NAGLU: variants seen among roughly 807,000 people sequenced by gnomAD.
NAGLU encodes alpha-N-acetylglucosaminidase.
A neutral mutation model predicts 43.4 loss-of-function variants in NAGLU; 34 were observed. The ratio of observed to expected loss-of-function variants is 0.78; its 90% confidence interval spans 0.60 to 1.04. NAGLU has a LOEUF of 1.04. Among genes scored for constraint, NAGLU ranks in the 50% least tolerant of loss-of-function variants. The pLI is 0.00. For synonymous variants in NAGLU, 425 were observed against 437.6 expected (o/e 0.97, Z 0.36); for missense variants, 910 against 993.7 (o/e 0.92, Z 1.13).
At chr17:42,537,289 C>T in intron 1 of NAGLU, 109 bp from the exon 2 acceptor site, 1 of 1,554,936 alleles carries the variant, frequency 6.4e-7, no homozygotes, top group South Asian at 1.1e-5. Context: ...AGCAGAAGGG[C>T]CGAGTTTGGA....
Position 42,543,677 on chromosome 17 carries a change from C to A in NAGLU, c.1671C>A (p.Arg557=), listed in dbSNP as rs1287450896. The change falls in exon 6 of 6, where the codon CGC becomes CGA. Residue 557 remains arginine (R), a synonymous_variant. Transcript: ENST00000225927. ...CCCTGGCCACCAGCCCCGCCTTCCG[C>A]TACGACCTGCTGGACCTCACTCGGC... ...APSLATSPAF[R]YDLLDLTRQA... 1 of 1,612,978 alleles carries A rather than the reference C, an allele frequency of 6.2e-7. No homozygotes were observed. Among genetic ancestry groups the A allele is most frequent in the African/African-American group, 1.3e-5 (1 of 74,954 alleles).
intron 4 of NAGLU, among the ~76,000 whole-genome samples, chr17:42,540,319 G>C (rs1023305932): frequency 6.6e-6 from 1 of 151,024 alleles, no homozygotes; most frequent in Non-Finnish European, 1.5e-5. Flanking sequence ...GGGTTGATGG[G>C]TGCAGCAAAC....
rs2092906262 is a variant in NAGLU at position 42,536,440 on chromosome 17, G to A, written c.168G>A (p.Leu56=). 2.4e-6 allele frequency: 3 copies of A among 1,257,224 alleles called. No homozygotes were observed. Among genetic ancestry groups the A allele is most frequent in the African/African-American group, 3.1e-5 (2 of 63,578 alleles). The allele number at this position is 1,257,224 out of a possible 1,614,324, so 77.9% of individuals were successfully genotyped here. The change falls in exon 1 of 6, where the codon CTG becomes CTA. Residue 56 remains leucine (L), a synonymous_variant. Transcript: ENST00000225927. ...TCTCCGTGTCGGTGGAGCGCGCTCTGGCTGCCAAGCCGGGCTTGGACACCT... is the reference window on the plus strand; with the variant it reads ...TCTCCGTGTCGGTGGAGCGCGCTCTAGCTGCCAAGCCGGGCTTGGACACCT... ...ADFSVSVERA[L]AAKPGLDTYS... is the part of the protein sequence containing the mutation.
Position 42,544,154 on chromosome 17 carries a change from C to T in NAGLU, c.2148C>T (p.Pro716=). Residue 716 remains proline, a synonymous_variant, in exon 6 of 6, where the codon CCC becomes CCT. Transcript: ENST00000225927. Reference sequence around the variant, plus strand: ...TCGTTCTCAGCAAGCAGAGGTACCCCAGCCAGCCGCGAGGAGACACTGTGG... The same window carrying T: ...TCGTTCTCAGCAAGCAGAGGTACCCTAGCCAGCCGCGAGGAGACACTGTGG... ...QAFVLSKQRY[P]SQPRGDTVDL... is the part of the protein sequence containing the mutation. 4 of 1,613,876 alleles carry T rather than the reference C, an allele frequency of 2.5e-6. No homozygotes were observed. The highest frequency in any genetic ancestry group is 3.4e-6 in the Non-Finnish European group (4 of 1,180,024).
Position 42,544,397 on chromosome 17 carries a change from C to A in NAGLU, c.*159C>A. On this transcript the variant is annotated 3_prime_UTR_variant, in exon 6 of 6. Transcript: ENST00000225927. ...GGGGATTGGAGGGAAATGACCTGCC[C>A]TCCACCACCACCCAAAGTGTGGGAT... 1 of 1,043,442 alleles carries A rather than the reference C, an allele frequency of 9.6e-7. No homozygotes were observed. The highest frequency in any genetic ancestry group is 1.4e-6 in the Non-Finnish European group (1 of 708,466). 64.6% of individuals were successfully genotyped at this position (1,043,442 alleles called of 1,614,324 possible). A position where few individuals can be genotyped will look rare whatever the true frequency, so the allele number is the denominator to read the frequency against.
chr17:42,540,907 A>G (rs776602579), intron 4 of NAGLU, 43 bp from the exon 5 acceptor site: 13 of 1,613,930 alleles, frequency 8.1e-6, no homozygotes, highest in East Asian at 2.2e-5. Context: ...GGTGAACACT[A>G]TGGCGGCTTC....
intron 1 of NAGLU, 144 bp from the exon 2 acceptor site, chr17:42,537,254 C>A (rs1033603710): frequency 8.0e-7 from 1 of 1,245,786 alleles, no homozygotes; most frequent in Non-Finnish European, 1.1e-6. Context: ...GGTCTCAGCT[C>A]CACCTGGGGT....
rs777670507 is a variant in NAGLU at position 42,543,218 on chromosome 17, G to A, written c.1212G>A (p.Trp404Ter). The A allele has an allele frequency of 1.2e-6, 2 of 1,614,130 alleles. No homozygotes were observed. Among genetic ancestry groups the A allele is most frequent in the Non-Finnish European group, 8.5e-7 (1 of 1,180,056 alleles). Residue 404 changes from tryptophan (W) to a stop codon, truncating the protein, a stop_gained, in exon 6 of 6, where the codon TGG (tryptophan) becomes TGA (stop). Coordinates refer to ENST00000225927, the MANE Select transcript of NAGLU (RefSeq NM_000263.4). LOFTEE classifies it high-confidence loss of function. ...CCTTCCAGGGCCAGCCCTTCATCTG[G>A]TGCATGCTGCACAACTTTGGGGGAA... ...TASFQGQPFI[W>*]CMLHNFGGNH...
intron 2 of NAGLU, 94 bp from the exon 3 acceptor site, chr17:42,538,245 C>A: frequency 3.8e-6 from 6 of 1,595,326 alleles, no homozygotes; most frequent in Non-Finnish European, 5.2e-6. Flanking sequence ...GCCCTAGCAC[C>A]CAGCACAAAG....
chr17:42,538,726 C>T lies in NAGLU; in HGVS notation c.735C>T (p.Phe245=), dbSNP rs539646032. The T allele has an allele frequency of 6.2e-6, 10 of 1,614,040 alleles. No individual in the cohort carries two copies. The highest frequency in any genetic ancestry group is 2.2e-5 in the East Asian group (1 of 44,892). The part of the protein sequence containing the change: ...SFGMTPVLPA[F]AGHVPEAVTR... Reference sequence around the variant, plus strand: ...GCATGACCCCAGTGCTGCCTGCATTCGCGGGGCATGTTCCCGAGGCTGTCA... The same window carrying T: ...GCATGACCCCAGTGCTGCCTGCATTTGCGGGGCATGTTCCCGAGGCTGTCA... Residue 245 remains phenylalanine (F), a synonymous_variant, in exon 4 of 6, where the codon TTC becomes TTT. Coordinates refer to ENST00000225927, the MANE Select transcript of NAGLU (RefSeq NM_000263.4).
At chr17:42,541,336 C>A in intron 5 of NAGLU, 130 bp downstream of exon 5, 2 of 1,340,618 alleles carry the variant, frequency 1.5e-6, no homozygotes, top group Non-Finnish European at 2.1e-6. Flanking sequence ...CATAGTTTAC[C>A]AAGCACGTGT....
intron 5 of NAGLU, among the ~76,000 whole-genome samples, chr17:42,542,122 G>A (rs1378271881): frequency 6.6e-6 from 1 of 152,058 alleles, no homozygotes; most frequent in East Asian, 1.9e-4. Flanking sequence ...GAGTGCAGTG[G>A]CACGATCTCA....
In NAGLU at chr17:42,543,129, C is replaced by T. The variant is rs534847909; in HGVS notation, c.1123C>T (p.Arg375Cys). Reference sequence around the variant, plus strand: ...CAGGGCTGTGCTGGGAGCTGTGCCCCGTGGCCGCCTCCTGGTTCTGGACCT... The same window carrying T: ...CAGGGCTGTGCTGGGAGCTGTGCCCTGTGGCCGCCTCCTGGTTCTGGACCT... Reference protein sequence around the residue: ...QIRAVLGAVPRGRLLVLDLFA... With the variant: ...QIRAVLGAVPCGRLLVLDLFA... Residue 375 changes from arginine to cysteine, a missense_variant, in exon 6 of 6, where the codon CGT (arginine) becomes TGT (cysteine). Transcript: ENST00000225927. The T allele has an allele frequency of 1.2e-5, 19 of 1,613,696 alleles. No homozygotes were observed. The highest frequency in any genetic ancestry group is 1.7e-5 in the Admixed American group (1 of 60,036).
chr17:42,537,119 C>T, intron 1 of NAGLU: 1 of 488,750 alleles, frequency 2.0e-6, no homozygotes, highest in South Asian at 2.0e-5. Context: ...AGGAAAACAC[C>T]GTGCAGAGGA....
rs766911974 is a variant in NAGLU, at chr17:42,543,686, G to A, written c.1680G>A (p.Leu560=). ...CCAGCCCCGCCTTCCGCTACGACCT[G>A]CTGGACCTCACTCGGCAGGCAGTGC... The part of the protein sequence containing the change: ...LATSPAFRYD[L]LDLTRQAVQE... Residue 560 remains leucine (L), a synonymous_variant, in exon 6 of 6, where the codon CTG becomes CTA. Transcript: ENST00000225927. 1 of 1,612,914 alleles carries A rather than the reference G, an allele frequency of 6.2e-7. No individual in the cohort carries two copies. The highest frequency in any genetic ancestry group is 1.1e-5 in the South Asian group (1 of 91,080).
chr17:42,538,752 C>T lies in NAGLU; in HGVS notation c.761C>T (p.Thr254Ile), dbSNP rs751812997. 1.2e-5 allele frequency: 20 copies of T among 1,613,900 alleles called. No homozygotes were observed. The highest frequency in any genetic ancestry group is 1.7e-5 in the Non-Finnish European group (20 of 1,180,024). The change falls in exon 4 of 6, where the codon ACC (threonine) becomes ATC (isoleucine). Residue 254 changes from threonine (T) to isoleucine (I), a missense_variant. Thr to Ile is a moderately conservative substitution (Grantham distance 89). Transcript: ENST00000225927. The part of the protein sequence containing the change: ...AFAGHVPEAV[T>I]RVFPQVNVTK... ...GCGGGGCATGTTCCCGAGGCTGTCA[C>T]CAGGTGAGGTTCCGCTCACCCCCTC...
At chr17:42,542,145 C>G (rs1397185082) in intron 5 of NAGLU, among the ~76,000 whole-genome samples, 1 of 151,600 alleles carries the variant, frequency 6.6e-6, no homozygotes, top group East Asian at 2.0e-4. Context: ...TCACTGCAAC[C>G]TCTGCTTCCT....
At position 42,540,420 on chromosome 17, in the gene NAGLU, G is replaced by GGT. The variant is rs1170700771; in HGVS notation, c.765-528_765-527dup. ...TAATTAAAAAAAAAAAAAAAAGCTG[G>GGT]GTGCGGTGGCCCACACCTGTAATCC... On this transcript the variant is annotated intron_variant, in intron 4 of 5. Coordinates refer to ENST00000225927, the MANE Select transcript of NAGLU (RefSeq NM_000263.4). Among the ~76,000 whole-genome samples, 286 of 151,640 alleles carry GGT rather than the reference G, an allele frequency of 1.9e-3. 1 individual carries two copies. The highest frequency in any genetic ancestry group is 6.6e-3 in the African/African-American group (271 of 41,366).
rs1301739890 is a variant in NAGLU at position 42,544,094 on chromosome 17, G to A, written c.2088G>A (p.Gln696=). The change falls in exon 6 of 6, where the codon CAG becomes CAA. Residue 696 remains glutamine (Q), a synonymous_variant. Coordinates refer to ENST00000225927, the MANE Select transcript of NAGLU (RefSeq NM_000263.4). ...AGGGCATCCCTTTCCAACAGCACCA[G>A]TTTGACAAAAATGTCTTCCAACTGG... is the stretch of plus-strand genomic sequence containing the variant. ...VAQGIPFQQH[Q]FDKNVFQLEQ... is the part of the protein sequence containing the mutation. 3 of 1,614,118 alleles carry A rather than the reference G, an allele frequency of 1.9e-6. No homozygotes were observed. The highest frequency in any genetic ancestry group is 1.1e-5 in the South Asian group (1 of 91,058).
Sources: gnomAD v4.1 joint callset for allele counts (sites outside exome capture counted in the v4.1 genomes callset) on GRCh38, gnomAD v4.1.1 for gene constraint, MANE v1.5 for transcripts, NCBI Gene and HGNC (gene_info 2026-07-23, HGNC 2026-07-21) for gene names.